TMEM132C: variants seen among roughly 807,000 people sequenced by gnomAD.
TMEM132C encodes protein phosphatase 1, regulatory subunit 152.
Under a neutral mutation model 61.4 loss-of-function variants are expected in TMEM132C, and 29 were observed. The observed-to-expected ratio is 0.47, with a 90% CI of 0.35 to 0.64. The LOEUF (loss-of-function observed/expected upper bound fraction) is 0.64. Among genes scored for constraint, TMEM132C ranks in the 30% least tolerant of loss-of-function variants. The pLI is 0.00. For synonymous variants in TMEM132C, 656 were observed against 633.1 expected, an observed-to-expected ratio of 1.04 and a Z score of -0.54; for missense variants, 1,408 against 1,476.9, an observed-to-expected ratio of 0.95 and a Z score of 0.76.
chr12:128,695,509 C>A (rs1174438351), intron 6 of TMEM132C, among the ~76,000 whole-genome samples: 2 of 152,088 alleles, frequency 1.3e-5, no homozygotes, highest in Non-Finnish European at 2.9e-5. Flanking sequence ...GACAACAGAG[C>A]AAGACCCTGT....
intron 1 of TMEM132C, among the ~76,000 whole-genome samples, chr12:128,388,691 A>T (rs1046597447): frequency 6.6e-6 from 1 of 152,248 alleles, no homozygotes; most frequent in African/African-American, 2.4e-5. Context: ...GGGCCACCCC[A>T]AAGAGGTACA....
chr12:128,606,135 A>G (rs1316376429), intron 3 of TMEM132C, among the ~76,000 whole-genome samples: 1 of 152,228 alleles, frequency 6.6e-6, no homozygotes, highest in African/African-American at 2.4e-5. Flanking sequence ...CTTCTCAGCA[A>G]CTGCACTTCC....
chr12:128,411,412 A>G (rs995326076), intron 1 of TMEM132C, among the ~76,000 whole-genome samples: 3 of 152,206 alleles, frequency 2.0e-5, no homozygotes, highest in Non-Finnish European at 4.4e-5. Context: ...TGACTTTATG[A>G]CAGTATCATC....
At chr12:128,492,313 A>G (rs145887873) in intron 2 of TMEM132C, among the ~76,000 whole-genome samples, 1,850 of 152,234 alleles carry the variant, frequency 0.012, 46 homozygotes, top group African/African-American at 0.041. Context: ...ATAAACATAC[A>G]TGTGCATGTG....
intron 4 of TMEM132C, among the ~76,000 whole-genome samples, chr12:128,650,846 C>T (rs978176192): frequency 6.6e-6 from 1 of 152,100 alleles, no homozygotes; most frequent in African/African-American, 2.4e-5. Flanking sequence ...TTGAAATGTC[C>T]CATTTACATG....
intron 5 of TMEM132C, among the ~76,000 whole-genome samples, chr12:128,670,714 A>G (rs1314331423): frequency 6.6e-6 from 1 of 152,112 alleles, no homozygotes; most frequent in Non-Finnish European, 1.5e-5. Context: ...TATGGGTCAA[A>G]CTCTGAATGC....
chr12:128,267,183 G>T lies in TMEM132C; in HGVS notation c.-220G>T, dbSNP rs984209975. ...GAGGCTGCGGGAGAAAAGTTGTCCC[G>T]GCCGGAGCGCGAGCAGCGGCGGAGC... On this transcript the variant is annotated 5_prime_UTR_variant, in exon 1 of 9. Transcript: ENST00000435159. Among the ~76,000 whole-genome samples the T allele has an allele frequency of 3.4e-5, 5 of 146,906 alleles. No homozygotes were observed. The highest frequency in any genetic ancestry group is 9.8e-5 in the African/African-American group (4 of 40,892).
intron 2 of TMEM132C, among the ~76,000 whole-genome samples, chr12:128,532,070 A>G (rs186701497): frequency 6.6e-6 from 1 of 152,376 alleles, no homozygotes; most frequent in East Asian, 1.9e-4. Context: ...AGCTGCATCT[A>G]TGAAAGGAAA....
intron 3 of TMEM132C, among the ~76,000 whole-genome samples, chr12:128,563,615 A>G (rs528232293): frequency 2.0e-5 from 3 of 152,280 alleles, no homozygotes; most frequent in Non-Finnish European, 4.4e-5. Context: ...GCTCTCGGGC[A>G]AGTCTGGGTC....
chr12:128,583,426 TG>T (rs1875422100), intron 3 of TMEM132C, among the ~76,000 whole-genome samples: 1 of 152,048 alleles, frequency 6.6e-6, no homozygotes, highest in Non-Finnish European at 1.5e-5. Context: ...AAAAGAATTT[TG>T]AGCTAAGTAC....
intron 1 of TMEM132C, among the ~76,000 whole-genome samples, chr12:128,384,443 G>C (rs1233781400): frequency 6.6e-6 from 1 of 152,178 alleles, no homozygotes; most frequent in Non-Finnish European, 1.5e-5. Flanking sequence ...GAAGGGTCAA[G>C]AGGTTTTAAG....
At chr12:128,607,608 T>C (rs1876473468) in intron 3 of TMEM132C, among the ~76,000 whole-genome samples, 1 of 152,176 alleles carries the variant, frequency 6.6e-6, no homozygotes. Context: ...GTTTTCAAGA[T>C]AATCCTGTTG....
chr12:128,475,628 C>A (rs1871131395), intron 2 of TMEM132C, among the ~76,000 whole-genome samples: 1 of 152,112 alleles, frequency 6.6e-6, no homozygotes, highest in Admixed American at 6.5e-5. Context: ...GAAAGGACAA[C>A]AAGTAGAGGA....
intron 2 of TMEM132C, among the ~76,000 whole-genome samples, chr12:128,526,228 A>C (rs1444119267): frequency 6.6e-6 from 1 of 152,222 alleles, no homozygotes; most frequent in East Asian, 1.9e-4. Flanking sequence ...TGCTGTAAGA[A>C]AACACCATAG....
rs190959697 is a variant in TMEM132C at position 128,427,569 on chromosome 12, G to A, written c.974+11949G>A. Among the ~76,000 whole-genome samples, 25 of 152,130 alleles carry A rather than the reference G, an allele frequency of 1.6e-4. 1 individual carries two copies. Among genetic ancestry groups the A allele is most frequent in the African/African-American group, 5.5e-4 (23 of 41,504 alleles). ...CTCAGCCTAGGACACTTCCCCCAGG[G>A]CTGGATCCTCCAGACTCCCCTTCCC... is the stretch of plus-strand genomic sequence containing the variant. On this transcript the variant is annotated intron_variant, in intron 2 of 8. Coordinates refer to ENST00000435159, the MANE Select transcript of TMEM132C (RefSeq NM_001136103.3).
At chr12:128,431,462 C>T (rs1197707667) in intron 2 of TMEM132C, among the ~76,000 whole-genome samples, 1 of 151,438 alleles carries the variant, frequency 6.6e-6, no homozygotes, top group Non-Finnish European at 1.5e-5. Flanking sequence ...CTAAGATCGT[C>T]GATGAGGTGG....
chr12:128,685,573 A>AGTCCAAGCTTGGACTG (rs1954666887), intron 5 of TMEM132C, among the ~76,000 whole-genome samples: 1 of 150,794 alleles, frequency 6.6e-6, no homozygotes. Context: ...ACATTTCCTA[A>AGTCCAAGCTTGGACTG]GTCCAAGCTT....
At chr12:128,557,233 A>G (rs1354336116) in intron 3 of TMEM132C, among the ~76,000 whole-genome samples, 1 of 152,162 alleles carries the variant, frequency 6.6e-6, no homozygotes, top group East Asian at 1.9e-4. Flanking sequence ...TTTGGCACCC[A>G]AGCCTCATTT....
At chr12:128,700,468 T>G (rs766747317) in intron 8 of TMEM132C, among the ~76,000 whole-genome samples, 2 of 152,148 alleles carry the variant, frequency 1.3e-5, no homozygotes, top group Non-Finnish European at 2.9e-5. Flanking sequence ...TGTCTGCTGT[T>G]CAGGGGCTTT....
Sources: gnomAD v4.1 joint callset for allele counts (sites outside exome capture counted in the v4.1 genomes callset) on GRCh38, gnomAD v4.1.1 for gene constraint, MANE v1.5 for transcripts, NCBI Gene and HGNC (gene_info 2026-07-23, HGNC 2026-07-21) for gene names.